Variants in TEK observed in about 807,000 individuals in gnomAD.
TEK encodes the protein angiopoietin-1 receptor.
Under a neutral mutation model 131.8 loss-of-function variants are expected in TEK, and 43 were observed. The observed-to-expected ratio is 0.33, with a 90% CI of 0.26 to 0.42. TEK has a LOEUF of 0.42. Ranked by LOEUF, TEK falls within the 10% of genes least tolerant of loss-of-function variation. The pLI is 1.00. For missense variants in TEK, 1,162 were observed against 1,384.4 expected (o/e 0.84, Z 2.55); for synonymous variants, 580 against 491.6 (o/e 1.18, Z -2.38).
chr9:27,196,762 C>CTTTTTTTTTTTTTTTTTTTTTTT (rs367911024), intron 11 of TEK, among the ~76,000 whole-genome samples: 1 of 99,286 alleles, frequency 1.0e-5, no homozygotes. Flanking sequence ...GTGCTATACA[C>CTTTTTTTTTTTTTTTTTTTTTTT]TTTTTTTTTT....
chr9:27,121,788 G>C (rs148799174), intron 1 of TEK, among the ~76,000 whole-genome samples: 1 of 152,306 alleles, frequency 6.6e-6, no homozygotes, highest in East Asian at 1.9e-4. Flanking sequence ...TGCAATTTGA[G>C]AGACACTGCT....
Position 27,206,583 on chromosome 9 carries a change from G to A in TEK, c.2366G>A (p.Arg789Lys), listed in dbSNP as rs759734452. The change falls in exon 15 of 23, where the codon AGG becomes AAG. Residue 789 changes from arginine to lysine, a missense_variant and splice_region_variant. Physicochemically the swap from Arg to Lys is conservative, Grantham distance 26. This residue lies in a region of TEK where 477 missense variants were observed against 471.0 expected (regional missense o/e 1.01). Transcript: ENST00000380036. Reference sequence around the variant, plus strand: ...ATGATGAAATAATTATTTTTCCAGAGGGAAGAACCAGCTGTGCAGTTCAAC... The same window carrying A: ...ATGATGAAATAATTATTTTTCCAGAAGGAAGAACCAGCTGTGCAGTTCAAC... The part of the protein sequence containing the change: ...RRMAQAFQNV[R>K]EEPAVQFNSG... The A allele has an allele frequency of 1.2e-6, 2 of 1,613,460 alleles. No homozygotes were observed. The highest frequency in any genetic ancestry group is 1.1e-5 in the South Asian group (1 of 90,964).
At chr9:27,211,500 T>C (rs980691711) in intron 16 of TEK, among the ~76,000 whole-genome samples, 84 of 134,542 alleles carry the variant, frequency 6.2e-4, no homozygotes, top group Non-Finnish European at 1.1e-3. Context: ...TTGCCCAGTC[T>C]GGAGTGCAGT....
At position 27,157,913 on chromosome 9, in the gene TEK, T is replaced by A. The variant is rs771518217; in HGVS notation, c.135T>A (p.Ile45=). ...VSDAETSLTC[I]ASGWRPHEPI... is the part of the protein sequence containing the mutation. ...ATGCTGAAACATCTCTCACCTGCATTGCCTCTGGGTGGCGCCCCCATGAGC... is the reference window on the plus strand; with the variant it reads ...ATGCTGAAACATCTCTCACCTGCATAGCCTCTGGGTGGCGCCCCCATGAGC... The change falls in exon 2 of 23, where the codon ATT becomes ATA. Residue 45 remains isoleucine, a synonymous_variant. Transcript: ENST00000380036. 5 of 1,614,124 alleles carry A rather than the reference T, an allele frequency of 3.1e-6. No individual in the cohort carries two copies. In the South Asian group the frequency reaches 5.5e-5, roughly 18 times the overall value.
At chr9:27,223,937 T>G (rs981130829) in intron 21 of TEK, among the ~76,000 whole-genome samples, 1 of 152,180 alleles carries the variant, frequency 6.6e-6, no homozygotes, top group African/African-American at 2.4e-5. Context: ...ATATCACCAC[T>G]GATCCCACAG....
chr9:27,131,342 G>A (rs1267468221), intron 1 of TEK, among the ~76,000 whole-genome samples: 1 of 151,860 alleles, frequency 6.6e-6, no homozygotes, highest in Non-Finnish European at 1.5e-5. Context: ...CAAAAATCAG[G>A]TGGGTGTGGT....
intron 1 of TEK, 26 bp downstream of exon 1, chr9:27,109,668 A>G: frequency 6.2e-7 from 1 of 1,611,890 alleles, no homozygotes; most frequent in Non-Finnish European, 8.5e-7. Flanking sequence ...ATTTTTTTTA[A>G]TTTAGTATTT....
At chr9:27,123,063 A>AAC (rs1338783355) in intron 1 of TEK, among the ~76,000 whole-genome samples, 1 of 147,902 alleles carries the variant, frequency 6.8e-6, no homozygotes, top group African/African-American at 2.5e-5. Context: ...AAAAAAAAAA[A>AAC]AAAAAAAAAA....
chr9:27,196,030 T>C (rs1824995823), intron 11 of TEK, among the ~76,000 whole-genome samples: 1 of 152,226 alleles, frequency 6.6e-6, no homozygotes, highest in Non-Finnish European at 1.5e-5. Flanking sequence ...ACCACAGCTG[T>C]ATGATTTCTG....
chr9:27,205,078 C>G lies in TEK; in HGVS notation c.2364+13C>G. The G allele has an allele frequency of 6.2e-7, 1 of 1,613,838 alleles. No homozygotes were observed. Among genetic ancestry groups the G allele is most frequent in the Non-Finnish European group, 8.5e-7 (1 of 1,179,810 alleles). On this transcript the variant is annotated intron_variant, in intron 14 of 22. Coordinates refer to ENST00000380036, the MANE Select transcript of TEK (RefSeq NM_000459.5). Reference sequence around the variant, plus strand: ...CTTCCAAAACGTGGTAGTGTCTCATCTTCCTACTAGCTAATAAGGGCAAGT... The same window carrying G: ...CTTCCAAAACGTGGTAGTGTCTCATGTTCCTACTAGCTAATAAGGGCAAGT...
chr9:27,169,450 C>T lies in TEK; in HGVS notation c.476-27C>T, dbSNP rs762369899. 51 of 1,613,236 alleles carry T rather than the reference C, an allele frequency of 3.2e-5. No individual in the cohort carries two copies. In the Middle Eastern group the frequency reaches 4.3e-3, roughly 137 times the overall value. On this transcript the variant is annotated intron_variant, in intron 3 of 22. Coordinates refer to ENST00000380036, the MANE Select transcript of TEK (RefSeq NM_000459.5). ...AGCAGGTATGTTTCAGTGTGACCTA[C>T]GGTTCTTCACTCTTCCCTCTTACTA...
Position 27,120,615 on chromosome 9 carries a change from G to A in TEK, c.52+10973G>A, listed in dbSNP as rs539348449. 1.6e-3 allele frequency among the ~76,000 whole-genome samples: 250 copies of A among 152,350 alleles called. 3 individuals carry two copies. Among genetic ancestry groups the A allele is most frequent in the Non-Finnish European group, 9.3e-4 (63 of 68,028 alleles). ...CTTTCTGAGGAGCCTTATGAAATGA[G>A]ACTTAGAACTTCATCCGCAAATGAA... On this transcript the variant is annotated intron_variant, in intron 1 of 22. Transcript: ENST00000380036.
intron 1 of TEK, among the ~76,000 whole-genome samples, chr9:27,145,482 A>G (rs779583207): frequency 3.9e-5 from 6 of 152,186 alleles, no homozygotes; most frequent in Non-Finnish European, 5.9e-5. Context: ...TTTCACACAG[A>G]TTTACTTGAT....
intron 6 of TEK, among the ~76,000 whole-genome samples, chr9:27,177,417 G>A (rs917331421): frequency 3.3e-5 from 5 of 152,164 alleles, no homozygotes; most frequent in Non-Finnish European, 5.9e-5. Flanking sequence ...GTGAGGTTGA[G>A]TATTTTTCAT....
At chr9:27,194,425 C>T (rs1824934383) in intron 11 of TEK, among the ~76,000 whole-genome samples, 1 of 152,132 alleles carries the variant, frequency 6.6e-6, no homozygotes, top group South Asian at 2.1e-4. Context: ...TAAGAAATGG[C>T]TGCTTGGGGA....
intron 7 of TEK, among the ~76,000 whole-genome samples, chr9:27,181,534 C>T (rs1424822690): frequency 1.3e-5 from 2 of 152,148 alleles, no homozygotes; most frequent in Admixed American, 6.6e-5. Flanking sequence ...ATTTGCCACA[C>T]CTTTTTTGAG....
intron 1 of TEK, among the ~76,000 whole-genome samples, chr9:27,131,579 T>C (rs964669865): frequency 2.0e-5 from 3 of 150,904 alleles, no homozygotes; most frequent in Non-Finnish European, 3.0e-5. Flanking sequence ...TCCCCGCATG[T>C]TGGGAGGATC....
At chr9:27,178,736 T>G (rs1824258851) in intron 6 of TEK, among the ~76,000 whole-genome samples, 1 of 152,186 alleles carries the variant, frequency 6.6e-6, no homozygotes, top group African/African-American at 2.4e-5. Flanking sequence ...TGTACCAAAT[T>G]CTAAGAATTG....
rs1821242017 is a variant in TEK at position 27,109,378 on chromosome 9, AG to A, written c.-211del. On this transcript the variant is annotated 5_prime_UTR_variant, in exon 1 of 23. An upstream open reading frame in the 5' UTR loses its in-frame stop. Transcript: ENST00000380036. ...CAGCCTTTCCCATCCTAATCTACAA[AG>A]GAAACAGGAAAAAGGAACTTAAAAC... The A allele has an allele frequency of 1.7e-5, 11 of 636,054 alleles. No individual in the cohort carries two copies. In the South Asian group the frequency reaches 2.1e-4, roughly 12 times the overall value. 39.4% of individuals were successfully genotyped at this position (636,054 alleles called of 1,614,324 possible).
Sources: allele counts gnomAD v4.1 joint callset (sites outside exome capture counted in the v4.1 genomes callset), GRCh38; gene constraint gnomAD v4.1.1; regional missense constraint gnomAD v4.1.1; transcripts MANE v1.5; gene names NCBI Gene and HGNC (gene_info 2026-07-23, HGNC 2026-07-21).